Variants in PI4KA observed in about 807,000 individuals in gnomAD.
PI4KA encodes the protein phosphatidylinositol 4-kinase alpha.
Under a neutral mutation model 271.4 loss-of-function variants are expected in PI4KA, and 122 were observed. That is an observed-to-expected ratio of 0.45 (90% CI 0.39 to 0.52). The LOEUF (loss-of-function observed/expected upper bound fraction) is 0.52, where lower values mean the gene tolerates loss of function less well. Ranked by LOEUF, PI4KA falls within the 20% of genes least tolerant of loss-of-function variation. The pLI, the probability that PI4KA is intolerant of heterozygous loss-of-function variation, is 0.00. For missense variants in PI4KA, 1,969 were observed against 2,769.1 expected, an observed-to-expected ratio of 0.71 and a Z score of 6.48; for synonymous variants, 1,041 against 1,078.8, an observed-to-expected ratio of 0.96 and a Z score of 0.69.
At chr22:20,821,311 C>G (rs1003513930) in intron 4 of PI4KA, among the ~76,000 whole-genome samples, 8 of 151,992 alleles carry the variant, frequency 5.3e-5, no homozygotes, top group South Asian at 4.2e-4. Flanking sequence ...CTCCACCTCC[C>G]AGGTTCAAGC....
chr22:20,746,260 C>T (rs1447514996), intron 29 of PI4KA, among the ~76,000 whole-genome samples: 3 of 151,912 alleles, frequency 2.0e-5, no homozygotes, highest in African/African-American at 7.3e-5. Context: ...GACGGGGTTT[C>T]ACCGTGTTGG....
intron 1 of PI4KA, among the ~76,000 whole-genome samples, chr22:20,848,942 T>C (rs1926618411): frequency 6.6e-6 from 1 of 152,132 alleles, no homozygotes; most frequent in Non-Finnish European, 1.5e-5. Flanking sequence ...TATATCTTAT[T>C]AAGAAACTTT....
intron 7 of PI4KA, among the ~76,000 whole-genome samples, chr22:20,817,772 A>G (rs956500513): frequency 3.0e-5 from 4 of 135,150 alleles, no homozygotes; most frequent in South Asian, 2.4e-4. Flanking sequence ...AAAAAAAAAA[A>G]GTAGTAACAG....
At chr22:20,846,420 C>T (rs1015896388) in intron 1 of PI4KA, among the ~76,000 whole-genome samples, 1 of 151,568 alleles carries the variant, frequency 6.6e-6, no homozygotes, top group Non-Finnish European at 1.5e-5. Context: ...AAAACACTAA[C>T]GCAGGAACAG....
At chr22:20,750,105 A>C in intron 27 of PI4KA, 111 bp from the exon 28 acceptor site, 1 of 708,582 alleles carries the variant, frequency 1.4e-6, no homozygotes, top group East Asian at 2.6e-5. Flanking sequence ...GCTGCGCCTT[A>C]ACTGGTACCA....
Position 20,707,980 on chromosome 22 carries a change from G to T in PI4KA, c.*67C>A, listed in dbSNP as rs13471. On this transcript the variant is annotated 3_prime_UTR_variant, in exon 55 of 55. Transcript: ENST00000255882. ...CATGTGGCGGCAGGGCAGGGAGGTC[G>T]CAGGGCTCCATGATTGTGGGACAGC... 0.071 allele frequency: 96,199 copies of T among 1,356,082 alleles called. 3,556 individuals are homozygous for T. Among genetic ancestry groups the T allele is most frequent in the Non-Finnish European group, 0.076 (71,887 of 945,516 alleles). The allele number at this position is 1,356,082 out of a possible 1,614,324, so 84.0% of individuals were successfully genotyped here.
chr22:20,758,582 CTAGCACAAAACT>C (rs1170728686), intron 23 of PI4KA, among the ~76,000 whole-genome samples: 1 of 150,688 alleles, frequency 6.6e-6, no homozygotes. Flanking sequence ...CACCCCTGGT[CTAGCACAAAACT>C]TAGCACAAAA....
intron 3 of PI4KA, among the ~76,000 whole-genome samples, chr22:20,834,288 GA>G (rs1391002019): frequency 6.6e-6 from 1 of 152,170 alleles, no homozygotes; most frequent in Non-Finnish European, 1.5e-5. Flanking sequence ...TGAGACATGA[GA>G]AAAGGTTCTT....
chr22:20,844,409 C>G (rs566412264), intron 1 of PI4KA, among the ~76,000 whole-genome samples: 2 of 152,320 alleles, frequency 1.3e-5, no homozygotes, highest in East Asian at 3.9e-4. Context: ...TGACACTGAA[C>G]AAGTATCTGC....
intron 19 of PI4KA, among the ~76,000 whole-genome samples, chr22:20,785,148 C>G (rs2147511402): frequency 6.6e-6 from 1 of 151,110 alleles, no homozygotes; most frequent in South Asian, 2.1e-4. Flanking sequence ...TGGCTCACTG[C>G]AGCCTCAACC....
chr22:20,751,576 T>C (rs1930695379), intron 26 of PI4KA, 98 bp downstream of exon 26: 4 of 1,118,204 alleles, frequency 3.6e-6, no homozygotes, highest in East Asian at 2.4e-5. Flanking sequence ...TTCAGGCTTA[T>C]TGTCAGAGAA....
At position 20,727,314 on chromosome 22, in the gene PI4KA, T is replaced by C. The variant is rs950606528; in HGVS notation, c.4857A>G (p.Thr1619=). The change falls in exon 41 of 55, where the codon ACA becomes ACG. Residue 1619 remains threonine, a synonymous_variant. Transcript: ENST00000255882. The part of the protein sequence containing the change: ...VLCWAPTDPP[T]GLSYFSSMYP... ...ACATGCTGGAGAAGTAGGAGAGGCC[T>C]GTGGGTGGGTCCGTGGGCGCCCAGC... is the stretch of plus-strand genomic sequence containing the variant. 1.2e-6 allele frequency: 2 copies of C among 1,613,040 alleles called. No homozygotes were observed. The highest frequency in any genetic ancestry group is 1.7e-6 in the Non-Finnish European group (2 of 1,179,920).
At chr22:20,729,246 G>A (rs1439279940) in intron 39 of PI4KA, 67 bp downstream of exon 39, 2 of 1,414,648 alleles carry the variant, frequency 1.4e-6, no homozygotes, top group African/African-American at 1.4e-5. Context: ...TCATGACCCA[G>A]CTGGCAAGCA....
intron 30 of PI4KA, among the ~76,000 whole-genome samples, chr22:20,743,757 G>C (rs948812849): frequency 6.6e-6 from 1 of 152,116 alleles, no homozygotes; most frequent in East Asian, 1.9e-4. Flanking sequence ...AGGGAGCTTA[G>C]AAATGGCATA....
intron 42 of PI4KA, among the ~76,000 whole-genome samples, chr22:20,723,002 T>G (rs1030797055): frequency 6.6e-6 from 1 of 152,048 alleles, no homozygotes; most frequent in Non-Finnish European, 1.5e-5. Flanking sequence ...TCTCCCTCTT[T>G]GGCCATTTTT....
chr22:20,799,184 A>G lies in PI4KA; in HGVS notation c.1913T>C (p.Leu638Pro), dbSNP rs1291446833. 4.4e-6 allele frequency: 7 copies of G among 1,607,014 alleles called. No homozygotes were observed. The African/African-American group carries it at 9.4e-5, about 21-fold the overall frequency. Reference protein sequence around the residue: ...RDTPKVMEPILQILQQKFCQP... With the variant: ...RDTPKVMEPIPQILQQKFCQP... ...GCAGAATTTCTGCTGTAGGATCTGC[A>G]GAATGGGCTCCATGACCTTCGGGGT... Residue 638 changes from leucine to proline, a missense_variant, in exon 16 of 55, where the codon CTG (leucine) becomes CCG (proline). By Grantham distance (98) the Leu-to-Pro change is moderately conservative. Around this residue, in one of 13 missense-constraint regions of PI4KA, gnomAD observed 228 missense variants for 261.6 expected, o/e 0.87. Transcript: ENST00000255882.
intron 1 of PI4KA, among the ~76,000 whole-genome samples, chr22:20,850,450 A>ATT (rs361892): frequency 1.1e-4 from 17 of 149,336 alleles, no homozygotes; most frequent in Non-Finnish European, 7.4e-5. Flanking sequence ...TTAAAAAAAA[A>ATT]TTTTTTTTTT....
chr22:20,841,838 G>C (rs561084941), intron 1 of PI4KA, among the ~76,000 whole-genome samples: 1 of 152,170 alleles, frequency 6.6e-6, no homozygotes, highest in African/African-American at 2.4e-5. Context: ...TGAGATGGGG[G>C]CTTGGCCAAC....
At chr22:20,746,068 T>TC (rs1930045881) in intron 29 of PI4KA, among the ~76,000 whole-genome samples, 1 of 141,398 alleles carries the variant, frequency 7.1e-6, no homozygotes, top group African/African-American at 2.6e-5. Context: ...AGAATTTTTT[T>TC]TTTTTTTTTT....
Sources: gnomAD v4.1 joint callset for allele counts (sites outside exome capture counted in the v4.1 genomes callset) on GRCh38, gnomAD v4.1.1 for gene constraint, gnomAD v4.1.1 regional missense constraint, MANE v1.5 for transcripts, NCBI Gene and HGNC (gene_info 2026-07-23, HGNC 2026-07-21) for gene names.